The following TNFRSF8 variants were observed in gnomAD, a reference collection of about 807,000 sequenced individuals.
TNFRSF8 encodes tumor necrosis factor receptor superfamily member 8.
TNFRSF8 carries 26 observed loss-of-function variants against 70.8 expected under a neutral mutation model. The ratio of observed to expected loss-of-function variants is 0.37; its 90% CI spans 0.27 to 0.51. TNFRSF8 has a LOEUF of 0.51. TNFRSF8 is among the 20% of genes least tolerant of loss of function. TNFRSF8 has a pLI of 0.94. For missense variants in TNFRSF8, 720 were observed against 807.9 expected, an observed-to-expected ratio of 0.89 and a Z score of 1.32; for synonymous variants, 356 against 339.2, an observed-to-expected ratio of 1.05 and a Z score of -0.54.
intron 8 of TNFRSF8, among the ~76,000 whole-genome samples, chr1:12,122,009 A>ACTCTGGAACTGT (rs1641836993): frequency 6.6e-6 from 1 of 152,136 alleles, no homozygotes; most frequent in South Asian, 2.1e-4. Flanking sequence ...TGGAACAGAT[A>ACTCTGGAACTGT]CACTCCTCTA....
intron 1 of TNFRSF8, among the ~76,000 whole-genome samples, chr1:12,082,975 C>A (rs1641091726): frequency 6.6e-6 from 1 of 151,238 alleles, no homozygotes; most frequent in African/African-American, 2.4e-5. Context: ...CCAGACAACC[C>A]AATTAAAAAA....
At chr1:12,067,099 G>GT (rs1419536331) in intron 1 of TNFRSF8, among the ~76,000 whole-genome samples, 1 of 152,146 alleles carries the variant, frequency 6.6e-6, no homozygotes, top group Non-Finnish European at 1.5e-5. Context: ...GTCCAATTGT[G>GT]TTTTTTTGTA....
chr1:12,078,251 G>A (rs760029012), intron 1 of TNFRSF8, among the ~76,000 whole-genome samples: 1 of 152,078 alleles, frequency 6.6e-6, no homozygotes, highest in Non-Finnish European at 1.5e-5. Flanking sequence ...GGGCCAGGGA[G>A]AAGCAAGCAT....
At position 12,117,744 on chromosome 1, in the gene TNFRSF8, C is replaced by T. The variant is rs146313857; in HGVS notation, c.946+2015C>T. 1.4e-3 allele frequency among the ~76,000 whole-genome samples: 208 copies of T among 152,282 alleles called. 1 individual carries two copies. The highest frequency in any genetic ancestry group is 4.9e-3 in the African/African-American group (203 of 41,542). On this transcript the variant is annotated intron_variant, in intron 8 of 14. Transcript: ENST00000263932. ...GGTACAAGTGTAATTTTATTACATGCTTAGATTGGGTGGTGAACTCAGGAC... is the reference window on the plus strand; with the variant it reads ...GGTACAAGTGTAATTTTATTACATGTTTAGATTGGGTGGTGAACTCAGGAC...
In TNFRSF8 at chr1:12,123,273, C is replaced by T. The variant is rs1176000507; in HGVS notation, c.947-11C>T. 1.9e-6 allele frequency: 3 copies of T among 1,607,666 alleles called. No homozygotes were observed. Among genetic ancestry groups the T allele is most frequent in the Middle Eastern group, 1.6e-4 (1 of 6,072 alleles). ...TGGCGCTGGTTCTCAGATGTTACGTCCCCTCTGCAGATATGGCTGAGAAGG... is the reference window on the plus strand; with the variant it reads ...TGGCGCTGGTTCTCAGATGTTACGTTCCCTCTGCAGATATGGCTGAGAAGG... On this transcript the variant is annotated splice_polypyrimidine_tract_variant and intron_variant, in intron 8 of 14. Coordinates refer to ENST00000263932, the MANE Select transcript of TNFRSF8 (RefSeq NM_001243.5).
chr1:12,111,055 T>C (rs938553594), intron 6 of TNFRSF8, among the ~76,000 whole-genome samples: 2 of 152,218 alleles, frequency 1.3e-5, no homozygotes, highest in Non-Finnish European at 1.5e-5. Flanking sequence ...TCTCTTGGGT[T>C]GGTTTTGTAA....
Position 12,138,346 on chromosome 1 carries a change from C to T in TNFRSF8, c.1453C>T (p.Leu485=), listed in dbSNP as rs1293905475. 1.9e-6 allele frequency: 3 copies of T among 1,613,798 alleles called. No individual in the cohort carries two copies. The highest frequency in any genetic ancestry group is 1.6e-4 in the Middle Eastern group (1 of 6,062). Reference sequence around the variant, plus strand: ...GGCAGCCTACCTGGAGAGCCTGCCGCTGCAGGATGCCAGCCCGGCCGGGGG... The same window carrying T: ...GGCAGCCTACCTGGAGAGCCTGCCGTTGCAGGATGCCAGCCCGGCCGGGGG... ...VGAAYLESLP[L]QDASPAGGPS... is the part of the protein sequence containing the mutation. Residue 485 remains leucine (L), a synonymous_variant, in exon 14 of 15, where the codon CTG becomes TTG. Transcript: ENST00000263932. The surrounding 1 kb of genome is among the most constrained non-coding windows in gnomAD (Gnocchi z 5.7).
chr1:12,068,876 CT>C (rs751437847), intron 1 of TNFRSF8, among the ~76,000 whole-genome samples: 208 of 144,304 alleles, frequency 1.4e-3, no homozygotes, highest in Middle Eastern at 7.2e-3. Flanking sequence ...CTTTTTCTTT[CT>C]TTTTTTTTTT....
intron 2 of TNFRSF8, among the ~76,000 whole-genome samples, chr1:12,095,504 T>C (rs1570017883): frequency 1.3e-5 from 2 of 152,184 alleles, no homozygotes; most frequent in Non-Finnish European, 1.5e-5. Context: ...GCCAGGCTGG[T>C]CTTGAACCCC....
intron 2 of TNFRSF8, 103 bp downstream of exon 2, chr1:12,084,654 C>T (rs974320334): frequency 1.6e-5 from 17 of 1,093,094 alleles, no homozygotes; most frequent in African/African-American, 7.8e-5. Flanking sequence ...CAACCGTCAT[C>T]GTCATAATTG....
At position 12,063,705 on chromosome 1, in the gene TNFRSF8, G is replaced by A; in HGVS notation, c.63+44G>A. ...CCTGGGGAGGTGCCGGCGGTCCAGAGCCCGGACAGTGTGGGGTGCGTGGGA... is the reference window on the plus strand; with the variant it reads ...CCTGGGGAGGTGCCGGCGGTCCAGAACCCGGACAGTGTGGGGTGCGTGGGA... On this transcript the variant is annotated intron_variant, in intron 1 of 14. Transcript: ENST00000263932. This position sits in a 1 kb window ranked among gnomAD's most constrained non-coding sequence, Gnocchi z 7.2. 1 of 1,263,508 alleles carries A rather than the reference G, an allele frequency of 7.9e-7. No individual in the cohort carries two copies. The highest frequency in any genetic ancestry group is 1.5e-5 in the African/African-American group (1 of 64,656). The allele number at this position is 1,263,508 out of a possible 1,614,324, so 78.3% of individuals were successfully genotyped here. A position where few individuals can be genotyped will look rare whatever the true frequency, so the allele number is the denominator to read the frequency against.
chr1:12,130,224 T>G (rs1271011175), intron 12 of TNFRSF8, among the ~76,000 whole-genome samples: 4 of 152,182 alleles, frequency 2.6e-5, no homozygotes, highest in African/African-American at 9.7e-5. Context: ...AACTTAATTT[T>G]CTTCACTTAC....
chr1:12,115,487 C>A, intron 7 of TNFRSF8, 90 bp from the exon 8 acceptor site: 1 of 1,417,564 alleles, frequency 7.1e-7, no homozygotes, highest in Non-Finnish European at 1.0e-6. Context: ...GACCCTTGGA[C>A]AACTGCTTCT....
At chr1:12,077,963 T>C (rs962763498) in intron 1 of TNFRSF8, 3 of 152,082 alleles carry the variant, frequency 2.0e-5, no homozygotes, top group African/African-American at 4.8e-5. Context: ...AATTTTAGTA[T>C]ATGTGCTATC....
rs992316504 is a variant in TNFRSF8, at chr1:12,112,405, TC to T, written c.793+394del. Among the ~76,000 whole-genome samples the T allele has an allele frequency of 6.6e-6, 1 of 151,562 alleles. No homozygotes were observed. The highest frequency in any genetic ancestry group is 2.4e-5 in the African/African-American group (1 of 41,298). ...GAGCCACTTATTCTTTTTTTTTTTT[TC>T]CCAGACAGGGTCTCACTCCTTCACC... On this transcript the variant is annotated intron_variant, in intron 7 of 14. Coordinates refer to ENST00000263932, the MANE Select transcript of TNFRSF8 (RefSeq NM_001243.5). This position sits in a 1 kb window ranked among gnomAD's most constrained non-coding sequence, Gnocchi z 5.3.
chr1:12,083,760 A>G (rs560471632), intron 1 of TNFRSF8, among the ~76,000 whole-genome samples: 1 of 152,396 alleles, frequency 6.6e-6, no homozygotes, highest in East Asian at 1.9e-4. Flanking sequence ...CTGCAAAGCA[A>G]TGGACAGAAA....
At chr1:12,132,837 C>CA (rs55643235) in intron 12 of TNFRSF8, among the ~76,000 whole-genome samples, 24,694 of 74,146 alleles carry the variant, frequency 0.33, 5,172 homozygotes, top group Non-Finnish European at 0.46. Context: ...GACTCCATCT[C>CA]AAAAAAAAAA....
At position 12,142,354 on chromosome 1, in the gene TNFRSF8, C is replaced by T. The variant is rs1356392740; in HGVS notation, c.1611C>T (p.Gly537=). The T allele has an allele frequency of 6.2e-7, 1 of 1,608,286 alleles. No individual in the cohort carries two copies. The highest frequency in any genetic ancestry group is 1.1e-5 in the South Asian group (1 of 90,072). ...CCGTGAAGGCTGAGCTGCCGGAGGG[C>T]CGGGGCCTGGCGGGGCCAGCAGAGC... is the stretch of plus-strand genomic sequence containing the variant. ...VGTVKAELPE[G]RGLAGPAEPE... The change falls in exon 15 of 15, where the codon GGC becomes GGT. Residue 537 remains glycine (G), a synonymous_variant. Coordinates refer to ENST00000263932, the MANE Select transcript of TNFRSF8 (RefSeq NM_001243.5). This position sits in a 1 kb window ranked among gnomAD's most constrained non-coding sequence, Gnocchi z 5.0.
chr1:12,065,134 A>G (rs1022180846), intron 1 of TNFRSF8, among the ~76,000 whole-genome samples: 3 of 120,150 alleles, frequency 2.5e-5, no homozygotes, highest in Non-Finnish European at 4.7e-5. Context: ...CCCATGCTGG[A>G]GTGCAATGCT....
Sources: gnomAD v4.1 joint callset for allele counts (sites outside exome capture counted in the v4.1 genomes callset) on GRCh38, gnomAD v4.1.1 for gene constraint, Gnocchi (gnomAD v3.1) non-coding constraint, MANE v1.5 for transcripts, NCBI Gene and HGNC (gene_info 2026-07-23, HGNC 2026-07-21) for gene names.